Variants in COMMD10 observed in about 807,000 individuals in gnomAD.
COMMD10 encodes the protein COMM domain-containing protein 10.
In COMMD10, 33 loss-of-function variants were observed where a neutral mutation model predicts 28.9. The observed-to-expected ratio is 1.14, with a 90% CI of 0.87 to 1.53. The LOEUF (loss-of-function observed/expected upper bound fraction) is 1.53. Among genes scored for constraint, COMMD10 ranks in the 40% most tolerant of loss-of-function variants. The pLI is 0.00. For missense variants in COMMD10, 310 were observed against 233.4 expected (o/e 1.33, Z -2.14); for synonymous variants, 110 against 81.7 (o/e 1.35, Z -1.87).
Position 116,087,914 on chromosome 5 carries a change from A to T in COMMD10, c.132+327A>T, listed in dbSNP as rs187984156. Among the ~76,000 whole-genome samples, 28 of 152,336 alleles carry T rather than the reference A, an allele frequency of 1.8e-4. No individual in the cohort carries two copies. In the East Asian group the frequency reaches 5.4e-3, roughly 29 times the overall value. On this transcript the variant is annotated intron_variant, in intron 2 of 6. Coordinates refer to ENST00000274458, the MANE Select transcript of COMMD10 (RefSeq NM_016144.4). ...TTATTATGGTATATATTTTGGGACT[A>T]AAGTTCTAAAAATATACTTTAGGGA...
chr5:116,255,428 G>A (rs1275694019), intron 5 of COMMD10, among the ~76,000 whole-genome samples: 14 of 151,544 alleles, frequency 9.2e-5, no homozygotes, highest in Non-Finnish European at 1.5e-4. Flanking sequence ...ATTTTGCAGC[G>A]GCTGGTACTG....
At chr5:116,113,003 C>G (rs1226052916) in intron 4 of COMMD10, among the ~76,000 whole-genome samples, 1 of 152,142 alleles carries the variant, frequency 6.6e-6, no homozygotes, top group Non-Finnish European at 1.5e-5. Flanking sequence ...TCCTGTAGGA[C>G]TGGTCTAGTT....
Position 116,087,554 on chromosome 5 carries a change from G to T in COMMD10, c.99G>T (p.Leu33Phe). 2 of 1,612,248 alleles carry T rather than the reference G, an allele frequency of 1.2e-6. No individual in the cohort carries two copies. Among genetic ancestry groups the T allele is most frequent in the Non-Finnish European group, 1.7e-6 (2 of 1,178,254 alleles). ...TAGATACAGGAAGATTTCCACGGTT[G>T]CTCACTCGGATTCTTCAAAAACTTC... ...NAIDTGRFPRLLTRILQKLHL... is the reference protein window; with the variant it reads ...NAIDTGRFPRFLTRILQKLHL... Residue 33 changes from leucine (L) to phenylalanine (F), a missense_variant, in exon 2 of 7, where the codon TTG becomes TTT. Coordinates refer to ENST00000274458, the MANE Select transcript of COMMD10 (RefSeq NM_016144.4).
At chr5:116,092,523 AT>A in intron 3 of COMMD10, 21 bp from the exon 4 acceptor site, 1 of 1,528,146 alleles carries the variant, frequency 6.5e-7, no homozygotes, top group Non-Finnish European at 8.8e-7. Context: ...GACATATGTA[AT>A]TTTTTGTTTC....
intron 5 of COMMD10, among the ~76,000 whole-genome samples, chr5:116,158,713 G>A (rs1418866082): frequency 2.0e-5 from 3 of 151,910 alleles, no homozygotes; most frequent in African/African-American, 2.4e-5. Flanking sequence ...TAGTGTGAAA[G>A]TCTCCTATTA....
chr5:116,216,997 T>G (rs1278525985), intron 5 of COMMD10, among the ~76,000 whole-genome samples: 1 of 152,164 alleles, frequency 6.6e-6, no homozygotes, highest in African/African-American at 2.4e-5. Flanking sequence ...GATTTTTAAA[T>G]AGGTCATTTT....
intron 5 of COMMD10, among the ~76,000 whole-genome samples, chr5:116,199,313 T>C (rs1323601224): frequency 2.6e-5 from 4 of 152,162 alleles, no homozygotes; most frequent in Non-Finnish European, 5.9e-5. Context: ...TGTTTTCTTA[T>C]TGTTGAGTTT....
intron 5 of COMMD10, among the ~76,000 whole-genome samples, chr5:116,244,660 C>CAAAAAAAAAAAAAAAAAAAAAAAAAA (rs60360733): frequency 2.5e-5 from 2 of 79,484 alleles, no homozygotes; most frequent in African/African-American, 7.1e-5. Context: ...AAAAAAATTA[C>CAAAAAAAAAAAAAAAAAAAAAAAAAA]AAAAAAAAAA....
rs200772914 is a variant in COMMD10 at position 116,148,835 on chromosome 5, TG to T, written c.510+14658del. Among the ~76,000 whole-genome samples, 1,095 of 151,798 alleles carry T rather than the reference TG, an allele frequency of 7.2e-3. 13 individuals carry two copies. The highest frequency in any genetic ancestry group is 0.024 in the African/African-American group (1,013 of 41,462). On this transcript the variant is annotated intron_variant, in intron 5 of 6. Coordinates refer to ENST00000274458, the MANE Select transcript of COMMD10 (RefSeq NM_016144.4). Reference sequence around the variant, plus strand: ...TTACATATATTATGGGATTTGTATTTGTTTTTTTGTATTTTATTATTATTAT... The same window carrying T: ...TTACATATATTATGGGATTTGTATTTTTTTTTTGTATTTTATTATTATTAT...
intron 5 of COMMD10, among the ~76,000 whole-genome samples, chr5:116,251,394 A>G (rs535313572): frequency 2.5e-3 from 360 of 144,220 alleles, no homozygotes; most frequent in Non-Finnish European, 4.3e-3. Flanking sequence ...TGCACCCACT[A>G]ACTCGTCATC....
At chr5:116,234,779 TGATTTTAAAAGGTTCTCA>T (rs1247513030) in intron 5 of COMMD10, among the ~76,000 whole-genome samples, 1 of 152,190 alleles carries the variant, frequency 6.6e-6, no homozygotes, top group Non-Finnish European at 1.5e-5. Flanking sequence ...TAAAGAGTAC[TGATTTTAAAAGGTTCTCA>T]GAGTCTGTTT....
intron 5 of COMMD10, among the ~76,000 whole-genome samples, chr5:116,210,356 A>G (rs1748929800): frequency 6.6e-6 from 1 of 151,740 alleles, no homozygotes; most frequent in Non-Finnish European, 1.5e-5. Context: ...ACGCAAGCAC[A>G]CATATACAGG....
intron 4 of COMMD10, among the ~76,000 whole-genome samples, chr5:116,108,100 T>C (rs1750903440): frequency 1.3e-5 from 2 of 152,246 alleles, no homozygotes; most frequent in Admixed American, 1.3e-4. Flanking sequence ...CTGTATGAGG[T>C]GTCTTTCGGC....
intron 4 of COMMD10, among the ~76,000 whole-genome samples, chr5:116,128,202 G>C (rs1206618083): frequency 6.6e-6 from 1 of 152,012 alleles, no homozygotes; most frequent in African/African-American, 2.4e-5. Flanking sequence ...TTGGTTTACA[G>C]AGTAATTGTA....
At chr5:116,255,377 C>T (rs574306673) in intron 5 of COMMD10, among the ~76,000 whole-genome samples, 8 of 151,658 alleles carry the variant, frequency 5.3e-5, no homozygotes, top group Admixed American at 3.3e-4. Flanking sequence ...TTAGTTGATG[C>T]AGTTTCTTCC....
chr5:116,127,756 T>G (rs145116675), intron 4 of COMMD10, among the ~76,000 whole-genome samples: 2,033 of 152,104 alleles, frequency 0.013, 45 homozygotes, highest in African/African-American at 0.047. Context: ...GTGGAGAACA[T>G]CACACACTGG....
intron 5 of COMMD10, among the ~76,000 whole-genome samples, chr5:116,174,106 G>A (rs1035259301): frequency 1.3e-5 from 2 of 151,892 alleles, no homozygotes; most frequent in African/African-American, 2.4e-5. Flanking sequence ...AGTAGGATAT[G>A]GAGATGGAGA....
chr5:116,172,728 A>G (rs1753377980), intron 5 of COMMD10, among the ~76,000 whole-genome samples: 1 of 152,184 alleles, frequency 6.6e-6, no homozygotes, highest in Admixed American at 6.6e-5. Context: ...AGAGCAGCAC[A>G]GGGCTTCTGA....
intron 5 of COMMD10, among the ~76,000 whole-genome samples, chr5:116,151,707 C>T (rs1289120232): frequency 6.6e-6 from 1 of 151,954 alleles, no homozygotes; most frequent in Non-Finnish European, 1.5e-5. Flanking sequence ...GGTGATATCC[C>T]CTTTATCATT....
Sources: allele counts gnomAD v4.1 joint callset (sites outside exome capture counted in the v4.1 genomes callset), GRCh38; gene constraint gnomAD v4.1.1; transcripts MANE v1.5; gene names NCBI Gene and HGNC (gene_info 2026-07-23, HGNC 2026-07-21).